The following CCDC7 variants were observed in gnomAD, a reference collection of about 807,000 sequenced individuals.
The protein encoded by CCDC7 is coiled-coil domain containing 7.
Under a neutral mutation model 196.9 loss-of-function variants are expected in CCDC7, and 183 were observed. That is an observed-to-expected ratio of 0.93 (90% CI 0.82 to 1.05). CCDC7 has a LOEUF of 1.05. Among genes scored for constraint, CCDC7 ranks in the 50% least tolerant of loss-of-function variants. CCDC7 has a pLI of 0.00. For synonymous variants in CCDC7, 525 were observed against 484.6 expected (o/e 1.08, Z -1.10); for missense variants, 1,540 against 1,482.2 (o/e 1.04, Z -0.64).
chr10:32,454,577 T>TAAAAAAAA (rs150293880), intron 2 of CCDC7, among the ~76,000 whole-genome samples: 4 of 146,816 alleles, frequency 2.7e-5, no homozygotes, highest in African/African-American at 7.6e-5. Flanking sequence ...AAACAAAAGT[T>TAAAAAAAA]AAAAAAAAAA....
chr10:32,836,379 C>G (rs2092601255), intron 33 of CCDC7, among the ~76,000 whole-genome samples: 1 of 152,124 alleles, frequency 6.6e-6, no homozygotes, highest in South Asian at 2.1e-4. Flanking sequence ...CTAGATTTTT[C>G]TACAATATCA....
chr10:32,682,845 G>C (rs1324652836), intron 21 of CCDC7, among the ~76,000 whole-genome samples: 1 of 151,956 alleles, frequency 6.6e-6, no homozygotes, highest in East Asian at 1.9e-4. Flanking sequence ...GGGGTTCTTT[G>C]GTTTTTGCTT....
At chr10:32,544,208 A>C in intron 12 of CCDC7, 39 bp from the exon 14 acceptor site, 2 of 1,551,826 alleles carry the variant, frequency 1.3e-6, no homozygotes, top group African/African-American at 2.7e-5. Flanking sequence ...GATGCATTTA[A>C]AAATATCATG....
At chr10:32,544,428 G>C in intron 13 of CCDC7, 127 bp downstream of exon 14, 8 of 689,146 alleles carry the variant, frequency 1.2e-5, no homozygotes, top group East Asian at 3.8e-5. Context: ...ATGTGTCTCT[G>C]TGTGTGTGTG....
At chr10:32,550,298 T>C (rs992693250) in intron 13 of CCDC7, among the ~76,000 whole-genome samples, 13 of 152,152 alleles carry the variant, frequency 8.5e-5, no homozygotes, top group African/African-American at 3.1e-4. Context: ...TTATCAGTTC[T>C]AGGAGCTTTC....
In CCDC7 at chr10:32,676,286, A is replaced by T. The variant is rs549126462; in HGVS notation, c.2123-9684A>T. 2.7e-3 allele frequency among the ~76,000 whole-genome samples: 414 copies of T among 151,224 alleles called. 3 individuals carry two copies. The highest frequency in any genetic ancestry group is 9.7e-3 in the African/African-American group (399 of 41,180). On this transcript the variant is annotated intron_variant, in intron 21 of 41. Transcript: ENST00000639629. ...AAAACCCTAGAAGAAAACCTAGGCA[A>T]TACCATTCAGGACATAGGCATGGGC...
intron 9 of CCDC7, among the ~76,000 whole-genome samples, chr10:32,507,271 A>G (rs376391703): frequency 2.6e-5 from 4 of 152,166 alleles, no homozygotes; most frequent in South Asian, 2.1e-4. Context: ...GATTACAGGC[A>G]TGAGCCACCG....
chr10:32,759,004 G>C (rs2076962003), intron 28 of CCDC7, among the ~76,000 whole-genome samples: 1 of 152,106 alleles, frequency 6.6e-6, no homozygotes, highest in Admixed American at 6.5e-5. Context: ...TTGCTTCAAA[G>C]AGAATAAAAT....
chr10:32,524,254 C>G (rs1248411619), intron 11 of CCDC7, among the ~76,000 whole-genome samples: 1 of 152,102 alleles, frequency 6.6e-6, no homozygotes, highest in Non-Finnish European at 1.5e-5. Context: ...GAACAGAATA[C>G]ACGTGGAAAG....
At chr10:32,519,283 A>G (rs1718038924) in intron 11 of CCDC7, among the ~76,000 whole-genome samples, 1 of 152,194 alleles carries the variant, frequency 6.6e-6, no homozygotes. Context: ...CATGTTGAAG[A>G]ACTGAGTAGT....
At chr10:32,596,365 T>A (rs1329301863) in intron 18 of CCDC7, among the ~76,000 whole-genome samples, 2 of 152,172 alleles carry the variant, frequency 1.3e-5, no homozygotes, top group Non-Finnish European at 2.9e-5. Flanking sequence ...ACCCTTACCT[T>A]TTTTTGTTTT....
chr10:32,445,491 G>A (rs1440284073), upstream of CCDC7, among the ~76,000 whole-genome samples: 1 of 151,882 alleles, frequency 6.6e-6, no homozygotes, highest in Non-Finnish European at 1.5e-5. Context: ...TTTACACACA[G>A]GCATTATTAA....
At chr10:32,639,385 C>T (rs2139773655) in intron 20 of CCDC7, among the ~76,000 whole-genome samples, 1 of 151,988 alleles carries the variant, frequency 6.6e-6, no homozygotes, top group East Asian at 1.9e-4. Context: ...CTATAAATTT[C>T]CCTCTACACA....
chr10:32,588,995 C>T (rs1277079969), intron 18 of CCDC7, among the ~76,000 whole-genome samples: 1 of 151,978 alleles, frequency 6.6e-6, no homozygotes, highest in Non-Finnish European at 1.5e-5. Flanking sequence ...AAGCATCTAT[C>T]CTTTATGTTA....
At chr10:32,512,458 A>G (rs2046365049) in intron 9 of CCDC7, 1 of 152,240 alleles carries the variant, frequency 6.6e-6, no homozygotes, top group South Asian at 2.1e-4. Flanking sequence ...TAACATGGCA[A>G]ATTCACATTC....
chr10:32,453,017 G>T (rs1018805308), intron 1 of CCDC7, among the ~76,000 whole-genome samples: 11 of 152,128 alleles, frequency 7.2e-5, no homozygotes, highest in Non-Finnish European at 1.6e-4. Flanking sequence ...AGAGGAGAAA[G>T]TCAAGGCAGA....
At chr10:32,529,423 C>CA (rs2049273340) in intron 11 of CCDC7, among the ~76,000 whole-genome samples, 1 of 152,190 alleles carries the variant, frequency 6.6e-6, no homozygotes, top group African/African-American at 2.4e-5. Context: ...ACTATATCCA[C>CA]ACCAACATCT....
intron 41 of CCDC7, among the ~76,000 whole-genome samples, chr10:32,857,514 T>C (rs922146118): frequency 6.6e-6 from 1 of 152,102 alleles, no homozygotes; most frequent in African/African-American, 2.4e-5. Context: ...TTTTAAAACA[T>C]GCTCCTGAAC....
chr10:32,502,021 T>A (rs2044138600), intron 9 of CCDC7, among the ~76,000 whole-genome samples: 1 of 152,188 alleles, frequency 6.6e-6, no homozygotes, highest in Non-Finnish European at 1.5e-5. Flanking sequence ...CGGCTTTGTT[T>A]ACACTGTAAG....
Sources: allele counts gnomAD v4.1 joint callset (sites outside exome capture counted in the v4.1 genomes callset), GRCh38; gene constraint gnomAD v4.1.1; transcripts MANE v1.5; gene names NCBI Gene and HGNC (gene_info 2026-07-23, HGNC 2026-07-21).